The following FBXO40 variants were observed in gnomAD, a reference collection of about 807,000 sequenced individuals.
FBXO40 encodes F-box protein 40.
FBXO40 carries 50 observed loss-of-function variants against 49.9 expected under a neutral mutation model. That is an observed-to-expected ratio of 1.00 (90% CI 0.80 to 1.27). The LOEUF (loss-of-function observed/expected upper bound fraction) is 1.27, where lower values mean the gene tolerates loss of function less well. Ranked by LOEUF, FBXO40 falls within the 50% of genes most tolerant of loss-of-function variation. The probability of loss-of-function intolerance (pLI) is 0.00; values close to 1 mark genes in which losing one functional copy is unlikely to be tolerated. For missense variants in FBXO40, 895 were observed against 870.1 expected, an observed-to-expected ratio of 1.03 and a Z score of -0.36; for synonymous variants, 340 against 320.2, an observed-to-expected ratio of 1.06 and a Z score of -0.66.
chr3:121,620,866 T>C (rs952720317), intron 2 of FBXO40, among the ~76,000 whole-genome samples: 5 of 152,176 alleles, frequency 3.3e-5, no homozygotes, highest in African/African-American at 9.7e-5. Context: ...TCAGCAAGCA[T>C]TGAATACCCA....
intron 1 of FBXO40, among the ~76,000 whole-genome samples, chr3:121,600,194 A>ATTTTTTT (rs71133558): frequency 1.1e-5 from 1 of 88,430 alleles, no homozygotes; most frequent in Non-Finnish European, 2.1e-5. Context: ...CACTTGGCTG[A>ATTTTTTT]TTTTTTTTTT....
In FBXO40 at chr3:121,621,970, G is replaced by A. The variant is rs771720396; in HGVS notation, c.541G>A (p.Val181Ile). The A allele has an allele frequency of 2.5e-6, 4 of 1,614,172 alleles. No individual in the cohort carries two copies. The highest frequency in any genetic ancestry group is 3.4e-6 in the Non-Finnish European group (4 of 1,180,036). ...AGTGGGTGGAGTGGATATCGGTTTG[G>A]TACCACATGGTCTGTCAGCAACTAA... ...GAVGGVDIGLVPHGLSATNGE... is the reference protein window; with the variant it reads ...GAVGGVDIGLIPHGLSATNGE... The change falls in exon 3 of 4, where the codon GTA becomes ATA. Residue 181 changes from valine (V) to isoleucine (I), a missense_variant. Val to Ile is a conservative substitution (Grantham distance 29, BLOSUM62 3). Transcript: ENST00000338040.
chr3:121,619,161 C>T (rs189971276), intron 1 of FBXO40, among the ~76,000 whole-genome samples: 25 of 148,040 alleles, frequency 1.7e-4, no homozygotes, highest in Admixed American at 9.5e-4. Context: ...CACCATGCCC[C>T]GCTAATTTTT....
Position 121,623,239 on chromosome 3 carries a change from A to C in FBXO40, c.1810A>C (p.Arg604=), listed in dbSNP as rs1470486856. 6.2e-7 allele frequency: 1 copy of C among 1,614,196 alleles called. No homozygotes were observed. Among genetic ancestry groups the C allele is most frequent in the Admixed American group, 1.7e-5 (1 of 60,018 alleles). ...AQLSQVSVLM[R]NICATLLQER... ...GCTCTCCCAGGTGTCTGTGCTGATG[A>C]GGAATATCTGTGCCACTTTGTTACA... The change falls in exon 3 of 4, where the codon AGG becomes CGG. Residue 604 remains arginine (R), a synonymous_variant. Transcript: ENST00000338040.
intron 1 of FBXO40, among the ~76,000 whole-genome samples, chr3:121,604,880 C>T (rs2048922850): frequency 6.6e-6 from 1 of 152,010 alleles, no homozygotes; most frequent in Non-Finnish European, 1.5e-5. Context: ...AGTGGTTATA[C>T]CCATGAAAAA....
At chr3:121,606,579 G>T (rs892683156) in intron 1 of FBXO40, among the ~76,000 whole-genome samples, 3 of 152,142 alleles carry the variant, frequency 2.0e-5, no homozygotes, top group African/African-American at 7.2e-5. Context: ...AATGCATTTT[G>T]CACTTGTCCT....
chr3:121,612,360 G>A (rs1298336726), intron 1 of FBXO40, among the ~76,000 whole-genome samples: 2 of 152,148 alleles, frequency 1.3e-5, no homozygotes, highest in African/African-American at 4.8e-5. Context: ...TGAAGGGTAA[G>A]GAGGAGGTGA....
At chr3:121,617,133 G>C (rs1264364315) in intron 1 of FBXO40, among the ~76,000 whole-genome samples, 1 of 152,120 alleles carries the variant, frequency 6.6e-6, no homozygotes, top group African/African-American at 2.4e-5. Flanking sequence ...AATGTATTGT[G>C]TATTTCAAAA....
intron 1 of FBXO40, among the ~76,000 whole-genome samples, chr3:121,599,697 CA>C (rs2048891354): frequency 1.2e-5 from 1 of 83,326 alleles, no homozygotes; most frequent in African/African-American, 4.1e-5. Context: ...CACACACACA[CA>C]CACACACATA....
Position 121,606,293 on chromosome 3 carries a change from G to A in FBXO40, c.-31+12791G>A, listed in dbSNP as rs1253278701. Among the ~76,000 whole-genome samples, 12 of 152,222 alleles carry A rather than the reference G, an allele frequency of 7.9e-5. No homozygotes were observed. The South Asian group carries it at 2.5e-3, about 32-fold the overall frequency. On this transcript the variant is annotated intron_variant, in intron 1 of 3. Transcript: ENST00000338040. ...TGTAGACCTTCTACTGGCTCACAAC[G>A]GTAGACTAGATTAGCAGACTGGGCG...
chr3:121,622,357 T>C lies in FBXO40; in HGVS notation c.928T>C (p.Tyr310His). ...TGTGGATGCAAAGGACTATAACATG[T>C]ATCTAGTGCACAATGGGCGGATGCT... ...TAVDAKDYNMYLVHNGRMLIH... is the reference protein window; with the variant it reads ...TAVDAKDYNMHLVHNGRMLIH... The change falls in exon 3 of 4, where the codon TAT becomes CAT. Residue 310 changes from tyrosine (Y) to histidine (H), a missense_variant. Tyr to His is a moderately conservative substitution (Grantham distance 83, BLOSUM62 2). Transcript: ENST00000338040. 1 of 1,614,192 alleles carries C rather than the reference T, an allele frequency of 6.2e-7. No homozygotes were observed. The highest frequency in any genetic ancestry group is 8.5e-7 in the Non-Finnish European group (1 of 1,180,028).
At chr3:121,609,083 A>G (rs2048950449) in intron 1 of FBXO40, among the ~76,000 whole-genome samples, 1 of 152,152 alleles carries the variant, frequency 6.6e-6, no homozygotes, top group Admixed American at 6.5e-5. Context: ...ATCCCTAAAA[A>G]GGCCCACATA....
At chr3:121,595,099 C>G (rs570715455) in intron 1 of FBXO40, among the ~76,000 whole-genome samples, 1 of 152,138 alleles carries the variant, frequency 6.6e-6, no homozygotes, top group Admixed American at 6.5e-5. Context: ...CTAAAGCCAC[C>G]GATGCCAAGT....
intron 1 of FBXO40, among the ~76,000 whole-genome samples, chr3:121,615,558 G>A (rs1436028681): frequency 3.5e-5 from 3 of 86,120 alleles, no homozygotes; most frequent in Non-Finnish European, 6.9e-5. Context: ...GTGAGACTGT[G>A]TCTTAAAAAA....
Position 121,622,859 on chromosome 3 carries a change from T to G in FBXO40, c.1430T>G (p.Phe477Cys), listed in dbSNP as rs761773313. ...RHNKSSSAFT[F>C]TCNKFFRRDE... ...AACAAAAGCAGCTCTGCCTTCACTTTCACTTGCAACAAATTCTTCAGGAGG... is the reference window on the plus strand; with the variant it reads ...AACAAAAGCAGCTCTGCCTTCACTTGCACTTGCAACAAATTCTTCAGGAGG... Residue 477 changes from phenylalanine (F) to cysteine (C), a missense_variant, in exon 3 of 4, where the codon TTC becomes TGC. Phe to Cys is a radical substitution (Grantham distance 205, BLOSUM62 -2). Transcript: ENST00000338040. The G allele has an allele frequency of 6.2e-7, 1 of 1,614,186 alleles. No individual in the cohort carries two copies. The highest frequency in any genetic ancestry group is 8.5e-7 in the Non-Finnish European group (1 of 1,180,026).
chr3:121,628,254 G>A lies in FBXO40; in HGVS notation c.*1344G>A, dbSNP rs4676685. On this transcript the variant is annotated 3_prime_UTR_variant, in exon 4 of 4. Coordinates refer to ENST00000338040, the MANE Select transcript of FBXO40 (RefSeq NM_016298.4). Reference sequence around the variant, plus strand: ...CGCAATGACATGATCTCGGCTCACCGCAACCTCCGCCTCCTGGGTTCAAGC... The same window carrying A: ...CGCAATGACATGATCTCGGCTCACCACAACCTCCGCCTCCTGGGTTCAAGC... 51,933 of 181,548 alleles carry A rather than the reference G, an allele frequency of 0.29. 8,047 individuals carry two copies. Among genetic ancestry groups the A allele is most frequent in the Admixed American group, 0.45 (7,181 of 16,056 alleles). The allele number at this position is 181,548 out of a possible 1,614,324, so 11.2% of individuals were successfully genotyped here. A position where few individuals can be genotyped will look rare whatever the true frequency, so the allele number is the denominator to read the frequency against.
chr3:121,600,371 TC>T (rs528248459), intron 1 of FBXO40, among the ~76,000 whole-genome samples: 285 of 152,156 alleles, frequency 1.9e-3, no homozygotes, highest in African/African-American at 6.5e-3. Flanking sequence ...CCTACAACCT[TC>T]CCTTTCACAG....
chr3:121,614,947 C>T (rs547481201), intron 1 of FBXO40, among the ~76,000 whole-genome samples: 21 of 152,278 alleles, frequency 1.4e-4, no homozygotes, highest in African/African-American at 1.9e-4. Context: ...TTGCCAGGTG[C>T]GGAGGCTTTC....
intron 1 of FBXO40, among the ~76,000 whole-genome samples, chr3:121,612,944 C>T (rs2048975127): frequency 6.6e-6 from 1 of 151,908 alleles, no homozygotes; most frequent in South Asian, 2.1e-4. Context: ...GTGGCGGGTG[C>T]CTGCAGTCCC....
Sources: allele counts gnomAD v4.1 joint callset (sites outside exome capture counted in the v4.1 genomes callset), GRCh38; gene constraint gnomAD v4.1.1; transcripts MANE v1.5; gene names NCBI Gene and HGNC (gene_info 2026-07-23, HGNC 2026-07-21).